Variants in CR1 observed in about 807,000 individuals in gnomAD.
CR1 encodes complement C3b/C4b receptor 1 (Knops blood group), also known as complement receptor type 1.
Under a neutral mutation model 187.3 loss-of-function variants are expected in CR1, and 116 were observed. The observed-to-expected ratio is 0.62, with a 90% confidence interval of 0.53 to 0.72. CR1 has a LOEUF of 0.72. Ranked by LOEUF, CR1 falls within the 30% of genes least tolerant of loss-of-function variation. The pLI, the probability that CR1 is intolerant of heterozygous loss-of-function variation, is 0.00. For synonymous variants in CR1, 576 were observed against 747.1 expected, an observed-to-expected ratio of 0.77 and a Z score of 3.73; for missense variants, 1,731 against 2,110.7, an observed-to-expected ratio of 0.82 and a Z score of 3.52.
intron 39 of CR1, among the ~76,000 whole-genome samples, chr1:207,613,690 C>T (rs754625987): frequency 2.0e-5 from 3 of 152,044 alleles, no homozygotes; most frequent in Non-Finnish European, 4.4e-5. Context: ...CTAGATTGGG[C>T]AATTAAGCAG....
intron 46 of CR1, among the ~76,000 whole-genome samples, chr1:207,632,042 A>G (rs918788912): frequency 7.2e-5 from 11 of 152,208 alleles, no homozygotes; most frequent in Non-Finnish European, 1.6e-4. Flanking sequence ...TAACCAAAAC[A>G]TAAGTAGAAG....
At chr1:207,628,405 G>A (rs371509139) in intron 45 of CR1, among the ~76,000 whole-genome samples, 210 of 152,260 alleles carry the variant, frequency 1.4e-3, no homozygotes, top group African/African-American at 4.5e-3. Flanking sequence ...GAGTAGAAAT[G>A]GTTAATGTAT....
intron 45 of CR1, among the ~76,000 whole-genome samples, chr1:207,624,710 T>C (rs989750067): frequency 6.6e-6 from 1 of 152,166 alleles, no homozygotes; most frequent in Non-Finnish European, 1.5e-5. Context: ...TCTTTTCCAT[T>C]ACAAAAAGAA....
chr1:207,521,590 T>G (rs1659993618), intron 4 of CR1, among the ~76,000 whole-genome samples: 1 of 150,168 alleles, frequency 6.7e-6, no homozygotes, highest in Non-Finnish European at 1.5e-5. Context: ...CTTTTACAAT[T>G]CTAGACTTTT....
At chr1:207,509,586 C>A (rs1299031391) in intron 3 of CR1, among the ~76,000 whole-genome samples, 2 of 152,182 alleles carry the variant, frequency 1.3e-5, no homozygotes, top group East Asian at 3.9e-4. Flanking sequence ...TATCTTTTGA[C>A]TCATATTTAA....
chr1:207,517,384 A>G (rs1294069254), intron 4 of CR1, among the ~76,000 whole-genome samples: 2 of 152,070 alleles, frequency 1.3e-5, no homozygotes, highest in Non-Finnish European at 2.9e-5. Flanking sequence ...TCATTGTATC[A>G]TCCTTTGGAA....
intron 4 of CR1, 38 bp downstream of exon 4, chr1:207,511,692 A>C: frequency 6.3e-7 from 1 of 1,578,398 alleles, no homozygotes. Context: ...TTTTACCGAC[A>C]CATTCTAATT....
chr1:207,574,335 A>C (rs539610308), intron 27 of CR1, among the ~76,000 whole-genome samples: 62 of 152,330 alleles, frequency 4.1e-4, no homozygotes, highest in Non-Finnish European at 7.6e-4. Context: ...GTTTATTGAC[A>C]CCACATTGAT....
chr1:207,604,277 GTTTTTAT>G, intron 35 of CR1, among the ~76,000 whole-genome samples: 1 of 152,128 alleles, frequency 6.6e-6, no homozygotes, highest in East Asian at 1.9e-4. Context: ...TATAAGAGTT[GTTTTTAT>G]TATTTTTCCT....
intron 1 of CR1, among the ~76,000 whole-genome samples, chr1:207,500,310 A>C (rs1483195397): frequency 6.6e-6 from 1 of 152,244 alleles, no homozygotes; most frequent in East Asian, 1.9e-4. Context: ...TTATAAATTT[A>C]TATATTTGAA....
At chr1:207,517,209 G>A (rs530927420) in intron 4 of CR1, among the ~76,000 whole-genome samples, 1 of 152,074 alleles carries the variant, frequency 6.6e-6, no homozygotes, top group Admixed American at 6.6e-5. Flanking sequence ...AAAGACAAAC[G>A]CTGAATTCCT....
intron 3 of CR1, among the ~76,000 whole-genome samples, chr1:207,508,182 T>A (rs1217849065): frequency 6.6e-6 from 1 of 152,136 alleles, no homozygotes; most frequent in South Asian, 2.1e-4. Flanking sequence ...ATTTTGAGGG[T>A]AGTGAAACTA....
At position 207,616,572 on chromosome 1, in the gene CR1, T is replaced by C. The variant is rs1662102114; in HGVS notation, c.6662-3T>C. ...GAACTTAAAGCTCTTGTTTTCTTTC[T>C]AGAAATCTTTTGTCCAAATCCTCCA... is the stretch of plus-strand genomic sequence containing the variant. On this transcript the variant is annotated splice_region_variant and splice_polypyrimidine_tract_variant and intron_variant, in intron 40 of 46. Transcript: ENST00000367049. 1 of 1,613,090 alleles carries C rather than the reference T, an allele frequency of 6.2e-7. No homozygotes were observed. Among genetic ancestry groups the C allele is most frequent in the Non-Finnish European group, 8.5e-7 (1 of 1,179,324 alleles).
At chr1:207,506,189 C>T (rs1659426683) in intron 2 of CR1, 106 bp downstream of exon 2, 1 of 1,326,620 alleles carries the variant, frequency 7.5e-7, no homozygotes, top group Non-Finnish European at 1.1e-6. Context: ...ATTAGTTTGC[C>T]AAGGTGCAAT....
chr1:207,593,065 G>A (rs1661321270), intron 35 of CR1, among the ~76,000 whole-genome samples: 1 of 130,044 alleles, frequency 7.7e-6, no homozygotes, highest in Non-Finnish European at 1.5e-5. Flanking sequence ...AATTACCAAT[G>A]GCTTTCTTCA....
intron 4 of CR1, among the ~76,000 whole-genome samples, chr1:207,522,896 T>C (rs773305941): frequency 2.6e-5 from 4 of 152,224 alleles, no homozygotes; most frequent in Non-Finnish European, 5.9e-5. Flanking sequence ...CTGCTATACT[T>C]TAAAATGTAT....
At chr1:207,632,797 C>CAAAAAAAAAAAAAAAAAA (rs55649027) in intron 46 of CR1, among the ~76,000 whole-genome samples, 11 of 107,656 alleles carry the variant, frequency 1.0e-4, no homozygotes, top group African/African-American at 4.9e-4. Flanking sequence ...GACTCCGTCT[C>CAAAAAAAAAAAAAAAAAA]AAAAAAAAAA....
chr1:207,587,729 C>T (rs890477372), intron 34 of CR1, among the ~76,000 whole-genome samples, 164 bp downstream of exon 34: 5 of 152,186 alleles, frequency 3.3e-5, no homozygotes, highest in Non-Finnish European at 4.4e-5. Flanking sequence ...CCAAACCCCA[C>T]GTCTACAAAC....
intron 45 of CR1, among the ~76,000 whole-genome samples, chr1:207,626,656 A>G: frequency 6.6e-6 from 1 of 152,252 alleles, no homozygotes; most frequent in East Asian, 1.9e-4. Context: ...CCACAGTCAC[A>G]CCAGGCCTAG....
Sources: gnomAD v4.1 joint callset for allele counts (sites outside exome capture counted in the v4.1 genomes callset) on GRCh38, gnomAD v4.1.1 for gene constraint, MANE v1.5 for transcripts, NCBI Gene and HGNC (gene_info 2026-07-23, HGNC 2026-07-21) for gene names.